Variants in ZC3H6 observed in about 807,000 individuals in gnomAD.
ZC3H6 encodes the protein zinc finger CCCH-type containing 6, also known as zinc finger CCCH domain-containing protein 6.
A neutral mutation model predicts 107.7 loss-of-function variants in ZC3H6; 40 were observed. That is an observed-to-expected ratio of 0.37 (90% CI 0.29 to 0.48). ZC3H6 has a LOEUF of 0.48. Among genes scored for constraint, ZC3H6 ranks in the 20% least tolerant of loss-of-function variants. The pLI is 0.98. For missense variants in ZC3H6, 1,267 were observed against 1,410.4 expected, an observed-to-expected ratio of 0.90 and a Z score of 1.63; for synonymous variants, 493 against 487.9, an observed-to-expected ratio of 1.01 and a Z score of -0.14.
chr2:112,276,647 A>T (rs1686432562), intron 1 of ZC3H6, among the ~76,000 whole-genome samples: 1 of 152,198 alleles, frequency 6.6e-6, no homozygotes, highest in South Asian at 2.1e-4. Flanking sequence ...TCCATGGATT[A>T]TTCCGGCTAG....
intron 4 of ZC3H6, among the ~76,000 whole-genome samples, chr2:112,311,516 G>C (rs77024445): frequency 6.6e-5 from 10 of 152,034 alleles, no homozygotes; most frequent in African/African-American, 1.9e-4. Flanking sequence ...AAACAGAAAG[G>C]CTTGTTAATG....
At chr2:112,278,391 C>T (rs1686467410) in intron 1 of ZC3H6, among the ~76,000 whole-genome samples, 1 of 152,182 alleles carries the variant, frequency 6.6e-6, no homozygotes, top group Non-Finnish European at 1.5e-5. Flanking sequence ...TGTCTCAGCT[C>T]ACTGCAAGCT....
Position 112,332,310 on chromosome 2 carries a change from G to C in ZC3H6, c.3392G>C (p.Ser1131Thr). Reference sequence around the variant, plus strand: ...AAGGTTCAGGTCCCAGCAGTGCACAGCCTTCCTGTTCAGGCATTAACAGGC... The same window carrying C: ...AAGGTTCAGGTCCCAGCAGTGCACACCCTTCCTGTTCAGGCATTAACAGGC... ...SGKVQVPAVH[S>T]LPVQALTGLI... Residue 1131 changes from serine (S) to threonine (T), a missense_variant, in exon 12 of 12, where the codon AGC becomes ACC. Physicochemically the swap from Ser to Thr is moderately conservative, Grantham distance 58 (BLOSUM62 1). This residue lies in a region of ZC3H6 where 925 missense variants were observed against 1,025.7 expected (regional missense o/e 0.90). Coordinates refer to ENST00000409871, the MANE Select transcript of ZC3H6 (RefSeq NM_198581.3). 3 of 1,613,960 alleles carry C rather than the reference G, an allele frequency of 1.9e-6. No homozygotes were observed. The highest frequency in any genetic ancestry group is 2.5e-6 in the Non-Finnish European group (3 of 1,179,880).
chr2:112,322,797 A>C lies in ZC3H6; in HGVS notation c.1235A>C (p.Glu412Ala). Residue 412 changes from glutamate to alanine, a missense_variant, in exon 9 of 12, where the codon GAA (glutamate) becomes GCA (alanine). Glu to Ala is a moderately radical substitution (Grantham distance 107). This residue lies in a region of ZC3H6 where 925 missense variants were observed against 1,025.7 expected (regional missense o/e 0.90). Coordinates refer to ENST00000409871, the MANE Select transcript of ZC3H6 (RefSeq NM_198581.3). Reference protein sequence around the residue: ...PPEHFPFSDPEDDFQTDFSDD... With the variant: ...PPEHFPFSDPADDFQTDFSDD... ...GAGCATTTTCCCTTTTCTGATCCTG[A>C]AGACGATTTTCAGACAGATTTCTCT... 1.2e-6 allele frequency: 2 copies of C among 1,613,896 alleles called. No homozygotes were observed. Among genetic ancestry groups the C allele is most frequent in the Non-Finnish European group, 8.5e-7 (1 of 1,179,880 alleles).
chr2:112,314,421 G>A (rs1185106530), intron 5 of ZC3H6, among the ~76,000 whole-genome samples: 5 of 152,060 alleles, frequency 3.3e-5, no homozygotes. Flanking sequence ...ACTCATTTAA[G>A]TGGAACTAAA....
At chr2:112,320,802 C>T (rs1164248632) in intron 7 of ZC3H6, among the ~76,000 whole-genome samples, 15 of 151,908 alleles carry the variant, frequency 9.9e-5, no homozygotes, top group Non-Finnish European at 8.8e-5. Flanking sequence ...ATTGTATTGG[C>T]CACATTTCCA....
At chr2:112,284,578 A>AT (rs1316037967) in intron 1 of ZC3H6, among the ~76,000 whole-genome samples, 1 of 151,168 alleles carries the variant, frequency 6.6e-6, no homozygotes, top group Non-Finnish European at 1.5e-5. Context: ...CTGTTGCTAG[A>AT]TTGTTCCTAT....
chr2:112,303,369 T>C lies in ZC3H6; in HGVS notation c.336+18T>C. The C allele has an allele frequency of 6.2e-7, 1 of 1,603,238 alleles. No individual in the cohort carries two copies. The highest frequency in any genetic ancestry group is 1.7e-5 in the Admixed American group (1 of 58,944). ...TTACTCAGGTATTGCCATTTTTTTG[T>C]TTTGTGATAAAACATAGATAGCATA... On this transcript the variant is annotated intron_variant, in intron 3 of 11. Coordinates refer to ENST00000409871, the MANE Select transcript of ZC3H6 (RefSeq NM_198581.3).
At chr2:112,312,886 A>G (rs972831552) in intron 5 of ZC3H6, among the ~76,000 whole-genome samples, 1 of 151,874 alleles carries the variant, frequency 6.6e-6, no homozygotes, top group Non-Finnish European at 1.5e-5. Flanking sequence ...AAAAGCTGCA[A>G]CTTTGTGTGA....
rs1388453686 is a variant in ZC3H6, at chr2:112,332,254, C to A, written c.3336C>A (p.Asp1112Glu). The change falls in exon 12 of 12, where the codon GAC (aspartate) becomes GAA (glutamate). Residue 1112 changes from aspartate to glutamate, a missense_variant. By Grantham distance (45) the Asp-to-Glu change is conservative. Transcript: ENST00000409871. ...GAGTCACTCTTGAGGGGCCAGCTGACCCACAGGCGGACGTTCCCAGGAGTT... is the reference window on the plus strand; with the variant it reads ...GAGTCACTCTTGAGGGGCCAGCTGAACCACAGGCGGACGTTCCCAGGAGTT... ...NVGVTLEGPADPQADVPRSSG... is the reference protein window; with the variant it reads ...NVGVTLEGPAEPQADVPRSSG... 1.2e-6 allele frequency: 2 copies of A among 1,613,824 alleles called. No individual in the cohort carries two copies. Among genetic ancestry groups the A allele is most frequent in the East Asian group, 2.2e-5 (1 of 44,888 alleles).
rs1483723165 is a variant in ZC3H6 at position 112,339,411 on chromosome 2, A to G, written c.*6923A>G. The G allele has an allele frequency of 2.6e-5, 4 of 152,174 alleles. No homozygotes were observed. Among genetic ancestry groups the G allele is most frequent in the Admixed American group, 2.0e-4 (3 of 15,278 alleles). The allele number at this position is 152,174 out of a possible 1,614,324, so 9.4% of individuals were successfully genotyped here. A position where few individuals can be genotyped will look rare whatever the true frequency, so the allele number is the denominator to read the frequency against. ...AAAAAGACTCATTTGTATACTTGCCAAAGTTTAAAAGTTTTTTACATTCCT... is the reference window on the plus strand; with the variant it reads ...AAAAAGACTCATTTGTATACTTGCCGAAGTTTAAAAGTTTTTTACATTCCT... On this transcript the variant is annotated 3_prime_UTR_variant, in exon 12 of 12. Coordinates refer to ENST00000409871, the MANE Select transcript of ZC3H6 (RefSeq NM_198581.3).
intron 1 of ZC3H6, among the ~76,000 whole-genome samples, chr2:112,276,285 G>A (rs1686420727): frequency 6.7e-6 from 1 of 149,042 alleles, no homozygotes; most frequent in Non-Finnish European, 1.5e-5. Flanking sequence ...CGAGCCCCCC[G>A]CCCCCCGGGC....
Position 112,324,955 on chromosome 2 carries a change from T to C in ZC3H6, c.1853-9T>C. ...TCAATGACTGTCTCTCCCCATGTTA[T>C]ACATGTAGATGGGATGTGGCATGGT... On this transcript the variant is annotated splice_polypyrimidine_tract_variant and intron_variant, in intron 10 of 11. Coordinates refer to ENST00000409871, the MANE Select transcript of ZC3H6 (RefSeq NM_198581.3). 8 of 1,586,880 alleles carry C rather than the reference T, an allele frequency of 5.0e-6. No individual in the cohort carries two copies. The highest frequency in any genetic ancestry group is 6.9e-6 in the Non-Finnish European group (8 of 1,165,580).
At chr2:112,318,719 A>T (rs1381695051) in intron 7 of ZC3H6, among the ~76,000 whole-genome samples, 1 of 152,156 alleles carries the variant, frequency 6.6e-6, no homozygotes, top group Admixed American at 6.5e-5. Flanking sequence ...TGCAATATGC[A>T]TTTACCCTTT....
chr2:112,325,320 C>A (rs1463283633), intron 11 of ZC3H6, 123 bp downstream of exon 11: 4 of 862,812 alleles, frequency 4.6e-6, no homozygotes, highest in African/African-American at 1.7e-5. Flanking sequence ...ATGGTGAAAC[C>A]CCATCTCTAC....
chr2:112,337,727 C>G lies in ZC3H6; in HGVS notation c.*5239C>G, dbSNP rs1677158618. ...CTCCGCCTCCCAGGTTCAAGCAATT[C>G]TCCCACCTTAGCTTCCTGAGTAGCT... On this transcript the variant is annotated 3_prime_UTR_variant, in exon 12 of 12. Transcript: ENST00000409871. The G allele has an allele frequency of 6.6e-6, 1 of 152,272 alleles. No individual in the cohort carries two copies. The highest frequency in any genetic ancestry group is 1.5e-5 in the Non-Finnish European group (1 of 68,150). The allele number at this position is 152,272 out of a possible 1,614,324, so 9.4% of individuals were successfully genotyped here.
intron 7 of ZC3H6, among the ~76,000 whole-genome samples, chr2:112,317,570 T>G (rs1198672040): frequency 1.3e-5 from 2 of 152,190 alleles, no homozygotes; most frequent in African/African-American, 4.8e-5. Flanking sequence ...GAAGGTACTT[T>G]AATATAATCA....
At chr2:112,306,568 A>G (rs549104450) in intron 3 of ZC3H6, among the ~76,000 whole-genome samples, 1 of 152,040 alleles carries the variant, frequency 6.6e-6, no homozygotes. Flanking sequence ...AGTTTTTTCT[A>G]TTCTGTGCTG....
chr2:112,288,100 A>G (rs1686644313), intron 1 of ZC3H6, among the ~76,000 whole-genome samples: 1 of 152,218 alleles, frequency 6.6e-6, no homozygotes, highest in African/African-American at 2.4e-5. Context: ...CTTTGAGAGT[A>G]TGAGAGGTGT....
Sources: allele counts gnomAD v4.1 joint callset (sites outside exome capture counted in the v4.1 genomes callset), GRCh38; gene constraint gnomAD v4.1.1; regional missense constraint gnomAD v4.1.1; transcripts MANE v1.5; gene names NCBI Gene and HGNC (gene_info 2026-07-23, HGNC 2026-07-21).